The following MBTPS2 variants were observed in gnomAD, a reference collection of about 807,000 sequenced individuals.
The protein encoded by MBTPS2 is membrane bound transcription factor peptidase, site 2.
Under a neutral mutation model 35.4 loss-of-function variants are expected in MBTPS2, and 2 were observed. That is an observed-to-expected ratio of 0.06 (90% CI 0.02 to 0.18). The LOEUF (loss-of-function observed/expected upper bound fraction) is 0.18. Among genes scored for constraint, MBTPS2 ranks in the 10% least tolerant of loss-of-function variants. MBTPS2 has a pLI of 1.00. For synonymous variants in MBTPS2, 125 were observed against 140.4 expected, an observed-to-expected ratio of 0.89 and a Z score of 0.77; for missense variants, 244 against 386.5, an observed-to-expected ratio of 0.63 and a Z score of 3.09.
chrX:21,856,568 G>T (rs776421139), intron 5 of MBTPS2: 44 of 1,212,066 alleles, frequency 3.6e-5, no homozygotes, highest in Non-Finnish European at 4.8e-5. Flanking sequence ...TCAATGTGGA[G>T]CCCCTTCCTA....
At chrX:21,875,852 G>A (rs937283873) in intron 7 of MBTPS2, among the ~76,000 whole-genome samples, 7 of 112,199 alleles carry the variant, frequency 6.2e-5, no homozygotes, top group Admixed American at 4.7e-4. Flanking sequence ...TGAACTGGCC[G>A]TCAACAGTGA....
rs142876300 is a variant in MBTPS2 at position 21,879,753 on chromosome X, G to A, written c.1261+1061G>A. Reference sequence around the variant, plus strand: ...ACTTTCTGTTTCTATAAATTTGCCTGTTCTTGTCATTTCATATAAATGGAA... The same window carrying A: ...ACTTTCTGTTTCTATAAATTTGCCTATTCTTGTCATTTCATATAAATGGAA... On this transcript the variant is annotated intron_variant, in intron 9 of 10. Transcript: ENST00000379484. Among the ~76,000 whole-genome samples, 226 of 108,563 alleles carry A rather than the reference G, an allele frequency of 2.1e-3. 1 individual carries two copies. The highest frequency in any genetic ancestry group is 7.2e-3 in the African/African-American group (207 of 28,639). 94.3% of individuals were successfully genotyped at this position (108,563 alleles called of 115,157 possible).
intron 1 of MBTPS2, 128 bp downstream of exon 1, chrX:21,839,937 G>T (rs1602135285): frequency 4.7e-6 from 3 of 632,955 alleles, no homozygotes; most frequent in East Asian, 3.6e-5. Context: ...CCGCGTGGTG[G>T]ATCGGCCCGG....
intron 4 of MBTPS2, among the ~76,000 whole-genome samples, chrX:21,851,997 C>T (rs1219458030): frequency 8.9e-6 from 1 of 112,041 alleles, no homozygotes; most frequent in Non-Finnish European, 1.9e-5. Context: ...GACTTATCAG[C>T]TGAAATAATT....
At chrX:21,881,112 G>A in intron 10 of MBTPS2, 140 bp downstream of exon 10, 2 of 509,581 alleles carry the variant, frequency 3.9e-6, no homozygotes, top group East Asian at 7.3e-5. Flanking sequence ...CTTGAAAGAT[G>A]AAAAAGATCA....
Position 21,884,418 on chromosome X carries a change from A to G in MBTPS2, c.*1763A>G. 1 of 708,980 alleles carries G rather than the reference A, an allele frequency of 1.4e-6. No homozygotes were observed. The highest frequency in any genetic ancestry group is 1.7e-6 in the Non-Finnish European group (1 of 597,678). 58.4% of individuals were successfully genotyped at this position (708,980 alleles called of 1,213,427 possible). A position where few individuals can be genotyped will look rare whatever the true frequency, so the allele number is the denominator to read the frequency against. On this transcript the variant is annotated 3_prime_UTR_variant, in exon 11 of 11. Coordinates refer to ENST00000379484, the MANE Select transcript of MBTPS2 (RefSeq NM_015884.4). ...GCAATTTTACTAATGAAAAGGTTGT[A>G]TATGTGCAAGTCACTTTTTTAAAAA... is the stretch of plus-strand genomic sequence containing the variant.
At chrX:21,851,370 C>A in intron 3 of MBTPS2, 139 bp from the exon 4 acceptor site, 1 of 522,431 alleles carries the variant, frequency 1.9e-6, no homozygotes, top group Non-Finnish European at 3.5e-6. Flanking sequence ...GAGAAGTGAA[C>A]CATTGTCATA....
At position 21,882,666 on chromosome X, in the gene MBTPS2, C is replaced by T. The variant is rs373283876; in HGVS notation, c.*11C>T. On this transcript the variant is annotated 3_prime_UTR_variant, in exon 11 of 11. Transcript: ENST00000379484. ...GTTACAGCACGGTAATGTTTGCACT[C>T]ATCTGACAGAATCCCTGAGTTACAG... 28 of 1,206,548 alleles carry T rather than the reference C, an allele frequency of 2.3e-5. No individual in the cohort carries two copies. The African/African-American group carries it at 4.4e-4, about 19-fold the overall frequency.
At chrX:21,854,730 T>C (rs1038727997) in intron 5 of MBTPS2, among the ~76,000 whole-genome samples, 1 of 111,867 alleles carries the variant, frequency 8.9e-6, no homozygotes, top group East Asian at 2.8e-4. Context: ...CAGATAAGTA[T>C]AAAAAAGTTA....
intron 5 of MBTPS2, chrX:21,857,704 A>T (rs1176807461): frequency 5.4e-5 from 19 of 348,845 alleles, no homozygotes; most frequent in African/African-American, 1.0e-4. Flanking sequence ...TAAGAGTTTT[A>T]AAAAAAAATG....
At chrX:21,864,864 TTTTC>T (rs755217225) in intron 5 of MBTPS2, among the ~76,000 whole-genome samples, 2,412 of 103,021 alleles carry the variant, frequency 0.023, 42 homozygotes, top group Non-Finnish European at 0.039. Flanking sequence ...TTTTTTCTTT[TTTTC>T]TTTCTTTCTT....
chrX:21,878,404 G>T, intron 8 of MBTPS2, 93 bp from the exon 9 acceptor site: 1 of 672,692 alleles, frequency 1.5e-6, no homozygotes, highest in South Asian at 2.4e-5. Flanking sequence ...CCTCATTCCT[G>T]ATATGCTAGG....
In MBTPS2 at chrX:21,883,219, A is replaced by C; in HGVS notation, c.*564A>C. 2.6e-6 allele frequency: 2 copies of C among 757,979 alleles called. No individual in the cohort carries two copies. The highest frequency in any genetic ancestry group is 1.3e-4 in the South Asian group (2 of 15,162). 62.5% of individuals were successfully genotyped at this position (757,979 alleles called of 1,213,427 possible). A position where few individuals can be genotyped will look rare whatever the true frequency, so the allele number is the denominator to read the frequency against. On this transcript the variant is annotated 3_prime_UTR_variant, in exon 11 of 11. Coordinates refer to ENST00000379484, the MANE Select transcript of MBTPS2 (RefSeq NM_015884.4). ...TTCTATAGAAGAATCTGCTGACGTG[A>C]AAGGGAAAAATCTTTGTCAAATGAT...
In MBTPS2 at chrX:21,883,788, G is replaced by T. The variant is rs1469800861; in HGVS notation, c.*1133G>T. 7 of 752,126 alleles carry T rather than the reference G, an allele frequency of 9.3e-6. No homozygotes were observed. Among genetic ancestry groups the T allele is most frequent in the Non-Finnish European group, 1.1e-5 (7 of 639,088 alleles). The allele number at this position is 752,126 out of a possible 1,213,427, so 62.0% of individuals were successfully genotyped here. On this transcript the variant is annotated 3_prime_UTR_variant, in exon 11 of 11. Coordinates refer to ENST00000379484, the MANE Select transcript of MBTPS2 (RefSeq NM_015884.4). ...ATGGCTATACGTGAGTACAAACGTG[G>T]ATTTTCCAGGGCTTGGGAACTGATT...
At chrX:21,856,283 G>C (rs894565953) in intron 5 of MBTPS2, 1 of 281,387 alleles carries the variant, frequency 3.6e-6, no homozygotes, top group Admixed American at 7.3e-5. Context: ...TCAGTCTCGC[G>C]CCTTTCTCTG....
intron 1 of MBTPS2, 126 bp from the exon 2 acceptor site, chrX:21,843,044 T>C (rs184671847): frequency 2.4e-5 from 14 of 584,853 alleles, no homozygotes; most frequent in Non-Finnish European, 3.8e-5. Flanking sequence ...CATAAAGCTT[T>C]AAGATTATAA....
In MBTPS2 at chrX:21,885,053, A is replaced by G. The variant is rs2092963222; in HGVS notation, c.*2398A>G. ...TTTATTCTCAGTGTTCCTACTCTGC[A>G]TTGTTTACATTTTTGACAGTTTTTT... On this transcript the variant is annotated 3_prime_UTR_variant, in exon 11 of 11. Transcript: ENST00000379484. 1.3e-6 allele frequency: 1 copy of G among 752,622 alleles called. No individual in the cohort carries two copies. The highest frequency in any genetic ancestry group is 1.6e-6 in the Non-Finnish European group (1 of 637,961). The allele number at this position is 752,622 out of a possible 1,213,427, so 62.0% of individuals were successfully genotyped here.
intron 1 of MBTPS2, chrX:21,841,911 G>A (rs1040315738): frequency 2.7e-5 from 3 of 111,680 alleles, no homozygotes; most frequent in Admixed American, 9.5e-5. Flanking sequence ...GCTTTTCTAG[G>A]ATTTCTGCAT....
At chrX:21,841,571 G>A (rs1295727526) in intron 1 of MBTPS2, among the ~76,000 whole-genome samples, 2 of 112,323 alleles carry the variant, frequency 1.8e-5, no homozygotes, top group African/African-American at 3.2e-5. Context: ...AGGAAGAGGC[G>A]GGAGGATCGC....
Sources: allele counts gnomAD v4.1 joint callset (sites outside exome capture counted in the v4.1 genomes callset), GRCh38; gene constraint gnomAD v4.1.1; transcripts MANE v1.5; gene names NCBI Gene and HGNC (gene_info 2026-07-23, HGNC 2026-07-21).